Variants in CFAP70 observed in about 807,000 individuals in gnomAD.
The protein encoded by CFAP70 is cilia- and flagella-associated protein 70.
CFAP70 carries 81 observed loss-of-function variants against 137.6 expected under a neutral mutation model. The ratio of observed to expected loss-of-function variants is 0.59; its 90% confidence interval spans 0.49 to 0.71. The LOEUF (loss-of-function observed/expected upper bound fraction) is 0.71. Ranked by LOEUF, CFAP70 falls within the 30% of genes least tolerant of loss-of-function variation. CFAP70 has a pLI of 0.00. For missense variants in CFAP70, 976 were observed against 1,226.7 expected, an observed-to-expected ratio of 0.80 and a Z score of 3.05; for synonymous variants, 382 against 423.6, an observed-to-expected ratio of 0.90 and a Z score of 1.20.
chr10:73,351,293 T>C (rs947036376), intron 3 of CFAP70, among the ~76,000 whole-genome samples: 1 of 151,118 alleles, frequency 6.6e-6, no homozygotes, highest in African/African-American at 2.4e-5. Context: ...TAATTTTTTG[T>C]ATTTTTACTT....
At chr10:73,291,886 G>T (rs1393153085) in exon 17 of CFAP70, 3 of 1,614,084 alleles carry the variant, frequency 1.9e-6, no homozygotes, top group Non-Finnish European at 2.5e-6. Flanking sequence ...TATACCTGTG[G>T]ATATGACTCT....
intron 25 of CFAP70, among the ~76,000 whole-genome samples, chr10:73,268,145 T>C (rs2045938340): frequency 6.6e-6 from 1 of 152,196 alleles, no homozygotes; most frequent in South Asian, 2.1e-4. Context: ...GTACCTACAT[T>C]AGTGTTTAAT....
intron 4 of CFAP70, 111 bp downstream of exon 5, chr10:73,348,045 T>C: frequency 8.6e-6 from 8 of 925,270 alleles, no homozygotes; most frequent in Non-Finnish European, 5.1e-6. Context: ...AAGTGTGCTG[T>C]GAAAAGAAAA....
At chr10:73,266,503 T>G (rs1008221288) in intron 25 of CFAP70, among the ~76,000 whole-genome samples, 2 of 152,134 alleles carry the variant, frequency 1.3e-5, no homozygotes, top group Non-Finnish European at 2.9e-5. Flanking sequence ...TCCAGTATAG[T>G]TTCAAGTAGA....
chr10:73,343,226 AG>A (rs1292814978), intron 5 of CFAP70, among the ~76,000 whole-genome samples: 2 of 149,690 alleles, frequency 1.3e-5, no homozygotes, highest in Non-Finnish European at 3.0e-5. Flanking sequence ...AAAAAAAAAA[AG>A]AGAAAGAAAA....
chr10:73,324,159 A>G (rs968669080), intron 8 of CFAP70, among the ~76,000 whole-genome samples: 4 of 152,236 alleles, frequency 2.6e-5, no homozygotes, highest in African/African-American at 7.2e-5. Flanking sequence ...ACGATCAGAC[A>G]GCAGCATTCG....
chr10:73,301,755 A>C (rs1294624035), intron 12 of CFAP70, among the ~76,000 whole-genome samples: 1 of 152,168 alleles, frequency 6.6e-6, no homozygotes, highest in Admixed American at 6.5e-5. Flanking sequence ...TGTACACTTT[A>C]TTTTATTTTT....
intron 9 of CFAP70, among the ~76,000 whole-genome samples, chr10:73,314,510 T>C (rs2050176791): frequency 1.3e-5 from 2 of 152,232 alleles, no homozygotes; most frequent in Admixed American, 1.3e-4. Context: ...ATACAATACA[T>C]AGTCTTTTGC....
chr10:73,338,387 A>C (rs951888246), intron 6 of CFAP70, among the ~76,000 whole-genome samples: 1 of 151,226 alleles, frequency 6.6e-6, no homozygotes, highest in Non-Finnish European at 1.5e-5. Context: ...TGGCCTCCCA[A>C]AGTGCTGGGA....
intron 19 of CFAP70, among the ~76,000 whole-genome samples, chr10:73,284,868 T>G (rs922824635): frequency 8.4e-5 from 12 of 142,216 alleles, no homozygotes; most frequent in African/African-American, 2.6e-5. Context: ...GCTTTCACAT[T>G]ACATTAGCAG....
At position 73,332,587 on chromosome 10, in the gene CFAP70, T is replaced by C. The variant is rs550989683; in HGVS notation, c.678-1311A>G. Among the ~76,000 whole-genome samples the C allele has an allele frequency of 1.6e-4, 24 of 152,274 alleles. No individual in the cohort carries two copies. The South Asian group carries it at 5.0e-3, about 32-fold the overall frequency. ...GACGTAATCACAGGTTATAGAATAC[T>C]TCTCCCCGACAATTTGCCACCACAT... On this transcript the variant is annotated intron_variant, in intron 7 of 26. Transcript: ENST00000310715.
chr10:73,275,609 A>G lies in CFAP70; in HGVS notation c.2521-11T>C, dbSNP rs759241360. 3.9e-5 allele frequency: 60 copies of G among 1,543,910 alleles called. No homozygotes were observed. Among genetic ancestry groups the G allele is most frequent in the Non-Finnish European group, 1.5e-5 (17 of 1,148,842 alleles). On this transcript the variant is annotated splice_polypyrimidine_tract_variant and intron_variant, in intron 21 of 26. Coordinates refer to ENST00000310715, the Ensembl canonical transcript of CFAP70. This position sits in a 1 kb window ranked among gnomAD's most constrained non-coding sequence, Gnocchi z 4.0. ...CACTCTGTGCACATACTGCAAGGATAATCAGATTATAAGCAACATATAAAT... is the reference window on the plus strand; with the variant it reads ...CACTCTGTGCACATACTGCAAGGATGATCAGATTATAAGCAACATATAAAT...
chr10:73,299,155 T>C lies in CFAP70; in HGVS notation c.1318-54A>G, dbSNP rs573844378. ...GCCTCAGAGAGGTCAAGAGCATGGA[T>C]TGGAAGTCTAAAACTGGATTTGGTT... On this transcript the variant is annotated intron_variant, in intron 13 of 26. Transcript: ENST00000310715. 4.7e-5 allele frequency: 62 copies of C among 1,330,322 alleles called. No homozygotes were observed. In the African/African-American group the frequency reaches 6.5e-4, roughly 14 times the overall value. The allele number at this position is 1,330,322 out of a possible 1,614,324, so 82.4% of individuals were successfully genotyped here.
At chr10:73,345,288 G>A in intron 4 of CFAP70, 44 bp from the exon 6 acceptor site, 1 of 1,552,458 alleles carries the variant, frequency 6.4e-7, no homozygotes, top group Non-Finnish European at 8.9e-7. Context: ...AATTGCCAGA[G>A]ATCTTCCTTT....
intron 15 of CFAP70, 179 bp from the exon 17 acceptor site, chr10:73,293,567 C>T: frequency 2.1e-6 from 1 of 485,844 alleles, no homozygotes; most frequent in East Asian, 3.5e-5. Flanking sequence ...AGAGAAATGT[C>T]AAGGGTGAAG....
At chr10:73,338,683 C>T (rs191067601) in intron 6 of CFAP70, among the ~76,000 whole-genome samples, 247 of 152,212 alleles carry the variant, frequency 1.6e-3, no homozygotes, top group African/African-American at 5.6e-3. Flanking sequence ...CCCGCCTTGG[C>T]CTCCCAAAGT....
intron 1 of CFAP70, among the ~76,000 whole-genome samples, chr10:73,357,489 G>C (rs1220571497): frequency 4.6e-5 from 7 of 152,170 alleles, no homozygotes; most frequent in African/African-American, 1.4e-4. Context: ...TGCAGTGGTG[G>C]AGTAAGAAGA....
intron 12 of CFAP70, among the ~76,000 whole-genome samples, chr10:73,308,628 C>CAAA (rs201416589): frequency 0.15 from 9,852 of 63,846 alleles, 619 homozygotes; most frequent in East Asian, 0.39. Flanking sequence ...AACTCCGTCT[C>CAAA]AAAAAAAAAA....
chr10:73,261,538 C>G (rs2045190731), intron 25 of CFAP70, among the ~76,000 whole-genome samples: 1 of 152,130 alleles, frequency 6.6e-6, no homozygotes. Context: ...ACCATCAGAT[C>G]TTGTGAGACT....
Sources: gnomAD v4.1 joint callset for allele counts (sites outside exome capture counted in the v4.1 genomes callset) on GRCh38, gnomAD v4.1.1 for gene constraint, Gnocchi (gnomAD v3.1) non-coding constraint, MANE v1.5 for transcripts, NCBI Gene and HGNC (gene_info 2026-07-23, HGNC 2026-07-21) for gene names.